PDS5B: variants seen among roughly 807,000 people sequenced by gnomAD.
PDS5B encodes PDS5 cohesin associated factor B.
In PDS5B, 51 loss-of-function variants were observed where a neutral mutation model predicts 184.1. The ratio of observed to expected loss-of-function variants is 0.28; its 90% confidence interval spans 0.22 to 0.35. The LOEUF (loss-of-function observed/expected upper bound fraction) is 0.35, where lower values mean the gene tolerates loss of function less well. Ranked by LOEUF, PDS5B falls within the 10% of genes least tolerant of loss-of-function variation. PDS5B has a pLI of 1.00. For missense variants in PDS5B, 1,180 were observed against 1,723.3 expected (o/e 0.68, Z 5.58); for synonymous variants, 566 against 569.2 (o/e 0.99, Z 0.08).
chr13:32,701,819 C>G (rs1951870905), intron 17 of PDS5B, among the ~76,000 whole-genome samples: 1 of 151,382 alleles, frequency 6.6e-6, no homozygotes, highest in Non-Finnish European at 1.5e-5. Flanking sequence ...TTATTTATAC[C>G]CTTGGGAAAC....
At chr13:32,628,696 C>T (rs1167624295) in intron 1 of PDS5B, among the ~76,000 whole-genome samples, 2 of 152,058 alleles carry the variant, frequency 1.3e-5, no homozygotes, top group Non-Finnish European at 1.5e-5. Context: ...ATTAAACCCA[C>T]ACGTGTGCAC....
At chr13:32,717,605 G>A (rs1952502524) in intron 19 of PDS5B, among the ~76,000 whole-genome samples, 1 of 133,624 alleles carries the variant, frequency 7.5e-6, no homozygotes, top group Non-Finnish European at 1.6e-5. Context: ...TTGTTCACTT[G>A]TTTATCTGCT....
chr13:32,637,712 A>G (rs1008379260), intron 1 of PDS5B, among the ~76,000 whole-genome samples: 9 of 152,208 alleles, frequency 5.9e-5, no homozygotes, highest in African/African-American at 2.2e-4. Flanking sequence ...GGAAAAAATC[A>G]GGAAAAGGCA....
At chr13:32,653,792 C>G (rs1014005863) in intron 3 of PDS5B, among the ~76,000 whole-genome samples, 1 of 152,148 alleles carries the variant, frequency 6.6e-6, no homozygotes, top group African/African-American at 2.4e-5. Context: ...AGGAATGATT[C>G]CATTTGTTTG....
chr13:32,729,288 A>G (rs1432988330), intron 19 of PDS5B, among the ~76,000 whole-genome samples: 1 of 152,006 alleles, frequency 6.6e-6, no homozygotes, highest in African/African-American at 2.4e-5. Flanking sequence ...ATTCTTTTTT[A>G]TGGTTGCATA....
chr13:32,604,518 A>G (rs1341309509), intron 1 of PDS5B, among the ~76,000 whole-genome samples: 1 of 152,176 alleles, frequency 6.6e-6, no homozygotes, highest in African/African-American at 2.4e-5. Context: ...CATCAGGGAT[A>G]TTGGTCTAAA....
At chr13:32,658,717 G>T (rs1480380370) in intron 5 of PDS5B, among the ~76,000 whole-genome samples, 186 bp downstream of exon 5, 1 of 152,088 alleles carries the variant, frequency 6.6e-6, no homozygotes, top group African/African-American at 2.4e-5. Flanking sequence ...GTAATTATTG[G>T]TTAGAGGAGT....
At chr13:32,644,151 G>A (rs1281256867) in intron 1 of PDS5B, among the ~76,000 whole-genome samples, 20 of 152,142 alleles carry the variant, frequency 1.3e-4, no homozygotes, top group Admixed American at 1.3e-3. Context: ...TTACCATTAA[G>A]TATTTGTGTT....
chr13:32,749,776 CTA>C (rs959567861), intron 24 of PDS5B, among the ~76,000 whole-genome samples: 20 of 151,486 alleles, frequency 1.3e-4, no homozygotes, highest in African/African-American at 4.6e-4. Flanking sequence ...AAGCTGCAGA[CTA>C]AAATTAATTT....
intron 3 of PDS5B, among the ~76,000 whole-genome samples, chr13:32,655,093 GA>G (rs922993612): frequency 2.6e-5 from 4 of 151,818 alleles, no homozygotes; most frequent in Non-Finnish European, 4.4e-5. Flanking sequence ...AGTTCTTTGA[GA>G]AATTGCCAAA....
intron 18 of PDS5B, among the ~76,000 whole-genome samples, chr13:32,707,944 C>T (rs2140888219): frequency 6.6e-6 from 1 of 151,998 alleles, no homozygotes; most frequent in Non-Finnish European, 1.5e-5. Flanking sequence ...ATAGAAGCAG[C>T]TTTCCAGAAG....
chr13:32,776,197 A>G lies in PDS5B; in HGVS notation c.*1145A>G, dbSNP rs1279052581. 1 of 152,734 alleles carries G rather than the reference A, an allele frequency of 6.5e-6. No individual in the cohort carries two copies. The highest frequency in any genetic ancestry group is 2.4e-5 in the African/African-American group (1 of 41,416). 9.5% of individuals were successfully genotyped at this position (152,734 alleles called of 1,614,324 possible). On this transcript the variant is annotated 3_prime_UTR_variant, in exon 35 of 35. Coordinates refer to ENST00000315596, the MANE Select transcript of PDS5B (RefSeq NM_015032.4). ...GTTTTCTGTAAATTCATATTTAGCCATAGTATATGATAGATTGCCCCATAA... is the reference window on the plus strand; with the variant it reads ...GTTTTCTGTAAATTCATATTTAGCCGTAGTATATGATAGATTGCCCCATAA...
chr13:32,737,938 G>C (rs1953398311), intron 21 of PDS5B, among the ~76,000 whole-genome samples: 1 of 152,060 alleles, frequency 6.6e-6, no homozygotes, highest in Non-Finnish European at 1.5e-5. Flanking sequence ...TACTTGTTTA[G>C]TTTTGCTTGT....
intron 17 of PDS5B, 104 bp downstream of exon 17, chr13:32,701,542 T>G: frequency 1.5e-6 from 1 of 660,310 alleles, no homozygotes; most frequent in Non-Finnish European, 2.7e-6. Context: ...CACATCTGTG[T>G]GTATTGTGTA....
chr13:32,756,501 C>G (rs538531360), intron 26 of PDS5B, among the ~76,000 whole-genome samples: 4 of 152,140 alleles, frequency 2.6e-5, no homozygotes, highest in Non-Finnish European at 5.9e-5. Flanking sequence ...AGACTGAAAA[C>G]ACTGTACATG....
intron 21 of PDS5B, 109 bp from the exon 22 acceptor site, chr13:32,740,971 G>T: frequency 1.4e-5 from 9 of 639,880 alleles, no homozygotes; most frequent in Non-Finnish European, 1.1e-5. Context: ...TATAACAAAT[G>T]TCACTGCAGA....
chr13:32,641,956 G>C (rs1950106741), intron 1 of PDS5B, among the ~76,000 whole-genome samples: 1 of 152,078 alleles, frequency 6.6e-6, no homozygotes, highest in Non-Finnish European at 1.5e-5. Context: ...GCTCATCATT[G>C]TATTCCTAGT....
Position 32,709,999 on chromosome 13 carries a change from A to G in PDS5B, c.2016A>G (p.Ser672=), listed in dbSNP as rs199567336. Residue 672 remains serine (S), a synonymous_variant, in exon 19 of 35, where the codon TCA becomes TCG. Transcript: ENST00000315596. Reference sequence around the variant, plus strand: ...TTCATTCTGCTGAAACATTTGAATCATTACTGGCTTGTCTGAAAATGGATG... The same window carrying G: ...TTCATTCTGCTGAAACATTTGAATCGTTACTGGCTTGTCTGAAAATGGATG... ...ISFHSAETFE[S]LLACLKMDDE... is the part of the protein sequence containing the mutation. The G allele has an allele frequency of 9.1e-4, 1,378 of 1,522,468 alleles. 1 individual carries two copies. Among genetic ancestry groups the G allele is most frequent in the Non-Finnish European group, 1.0e-3 (1,145 of 1,120,166 alleles). 94.3% of individuals were successfully genotyped at this position (1,522,468 alleles called of 1,614,324 possible).
At chr13:32,768,519 A>G (rs1474671677) in intron 31 of PDS5B, among the ~76,000 whole-genome samples, 1 of 152,146 alleles carries the variant, frequency 6.6e-6, no homozygotes, top group Non-Finnish European at 1.5e-5. Context: ...CTTAAAGGAC[A>G]GGTGCAATGA....
Sources: gnomAD v4.1 joint callset for allele counts (sites outside exome capture counted in the v4.1 genomes callset) on GRCh38, gnomAD v4.1.1 for gene constraint, MANE v1.5 for transcripts, NCBI Gene and HGNC (gene_info 2026-07-23, HGNC 2026-07-21) for gene names.